Variants in ZNF516 observed in about 807,000 individuals in gnomAD.
ZNF516 encodes the protein zinc finger protein 516.
In ZNF516, 19 loss-of-function variants were observed where a neutral mutation model predicts 79.7. That is an observed-to-expected ratio of 0.24 (90% confidence interval 0.17 to 0.35). The LOEUF is 0.35. Ranked by LOEUF, ZNF516 falls within the 10% of genes least tolerant of loss-of-function variation. The pLI, the probability that ZNF516 is intolerant of heterozygous loss-of-function variation, is 1.00. For synonymous variants in ZNF516, 877 were observed against 739.5 expected (o/e 1.19, Z -3.02); for missense variants, 1,678 against 1,679.5 (o/e 1.00, Z 0.02).
chr18:76,441,410 C>T lies in ZNF516; in HGVS notation c.1645G>A (p.Asp549Asn), dbSNP rs377762530. 151 of 1,608,890 alleles carry T rather than the reference C, an allele frequency of 9.4e-5. No individual in the cohort carries two copies. The highest frequency in any genetic ancestry group is 1.1e-4 in the Non-Finnish European group (132 of 1,178,454). The change falls in exon 3 of 7, where the codon GAC becomes AAC. Residue 549 changes from aspartate to asparagine, a missense_variant. By Grantham distance (23) the Asp-to-Asn change is conservative (BLOSUM62 1). Around this residue, in one of 5 missense-constraint regions of ZNF516, gnomAD observed 1,294 missense variants for 1,248.3 expected, o/e 1.04. Transcript: ENST00000443185. ...RARRERDSDG[D>N]RAARARCGSL... ...CCGCAGCGGGCCCGCGCCGCCCTGT[C>T]CCCGTCACTGTCCCTCTCGCGGCGC...
At chr18:76,385,808 G>A (rs1313762439) in intron 3 of ZNF516, 3 of 151,714 alleles carry the variant, frequency 2.0e-5, no homozygotes, top group Non-Finnish European at 4.4e-5. Context: ...CCCCATGGGA[G>A]CGGTTGCCTC....
chr18:76,483,869 C>T (rs1448919422), intron 1 of ZNF516, among the ~76,000 whole-genome samples: 1 of 152,188 alleles, frequency 6.6e-6, no homozygotes, highest in African/African-American at 2.4e-5. Flanking sequence ...TTTCCACGTT[C>T]CTCCTTGAGC....
chr18:76,487,278 G>A (rs994992255), intron 1 of ZNF516, among the ~76,000 whole-genome samples: 4 of 152,176 alleles, frequency 2.6e-5, no homozygotes, highest in African/African-American at 4.8e-5. Context: ...TTCAAGTCAC[G>A]TGTGGCCAGA....
intron 3 of ZNF516, among the ~76,000 whole-genome samples, chr18:76,418,322 CACTA>C (rs993060727): frequency 4.6e-5 from 7 of 152,094 alleles, no homozygotes; most frequent in African/African-American, 1.7e-4. Flanking sequence ...TGCTGTAACA[CACTA>C]ACACACTATA....
At chr18:76,417,075 C>CT (rs35148161) in intron 3 of ZNF516, among the ~76,000 whole-genome samples, 1 of 152,210 alleles carries the variant, frequency 6.6e-6, no homozygotes, top group Non-Finnish European at 1.5e-5. Context: ...TGCTTCTCAG[C>CT]TTGCAACCAT....
chr18:76,373,980 G>A (rs991175378), intron 4 of ZNF516, among the ~76,000 whole-genome samples: 2 of 152,182 alleles, frequency 1.3e-5, no homozygotes, highest in African/African-American at 2.4e-5. Context: ...TGGACTTAAC[G>A]GTCAAAGAAA....
intron 1 of ZNF516, among the ~76,000 whole-genome samples, chr18:76,487,668 TCTGATAGTTCTCATCCA>T (rs1914907264): frequency 6.6e-6 from 1 of 152,202 alleles, no homozygotes; most frequent in Non-Finnish European, 1.5e-5. Context: ...ATCGAACGAT[TCTGATAGTTCTCATCCA>T]ATGGTGGGTG....
At chr18:76,456,026 GTC>G (rs1309979390) in intron 2 of ZNF516, among the ~76,000 whole-genome samples, 1 of 152,136 alleles carries the variant, frequency 6.6e-6, no homozygotes, top group Admixed American at 6.5e-5. Context: ...GTCAGGTATC[GTC>G]TGTAACTCAA....
intron 2 of ZNF516, among the ~76,000 whole-genome samples, chr18:76,457,281 A>G (rs1416496239): frequency 1.3e-5 from 2 of 152,242 alleles, no homozygotes; most frequent in African/African-American, 4.8e-5. Flanking sequence ...TAAACTGAAC[A>G]TATCTCCACT....
rs186763764 is a variant in ZNF516, at chr18:76,383,604, C to T, written c.1811-3301G>A. Among the ~76,000 whole-genome samples the T allele has an allele frequency of 1.5e-3, 164 of 107,488 alleles. 3 individuals carry two copies. In the East Asian group the frequency reaches 0.045, roughly 29 times the overall value. The allele number at this position is 107,488 out of a possible 152,430, so 70.5% of individuals were successfully genotyped here. ...CCCTCTTCCCCACCAGGCACCTTCT[C>T]GCCAGGGACCCAGGACCCTCTTCCC... On this transcript the variant is annotated intron_variant, in intron 3 of 6. Coordinates refer to ENST00000443185, the MANE Select transcript of ZNF516 (RefSeq NM_014643.4).
chr18:76,390,643 C>G (rs1298573117), intron 3 of ZNF516, among the ~76,000 whole-genome samples: 1 of 152,208 alleles, frequency 6.6e-6, no homozygotes, highest in Non-Finnish European at 1.5e-5. Flanking sequence ...ACGAGGGGCA[C>G]AGAGCAACCC....
intron 6 of ZNF516, among the ~76,000 whole-genome samples, chr18:76,367,688 C>A (rs993574598): frequency 6.6e-6 from 1 of 152,202 alleles, no homozygotes; most frequent in South Asian, 2.1e-4. Flanking sequence ...CACAGCGCTG[C>A]CTTGCTCTGC....
intron 2 of ZNF516, among the ~76,000 whole-genome samples, chr18:76,450,137 C>T (rs1489381330): frequency 7.8e-6 from 1 of 128,742 alleles, no homozygotes; most frequent in Non-Finnish European, 1.5e-5. Flanking sequence ...AAGAGAGAGA[C>T]GGAGAGAAGG....
At chr18:76,424,453 C>CAT (rs1210323971) in intron 3 of ZNF516, among the ~76,000 whole-genome samples, 5 of 141,198 alleles carry the variant, frequency 3.5e-5, no homozygotes, top group Admixed American at 1.4e-4. Context: ...AAGGCTCCCT[C>CAT]GAGACACACG....
Position 76,443,212 on chromosome 18 carries a change from C to A in ZNF516, c.-157-1G>T. 1 of 1,127,966 alleles carries A rather than the reference C, an allele frequency of 8.9e-7. No individual in the cohort carries two copies. Among genetic ancestry groups the A allele is most frequent in the Non-Finnish European group, 1.2e-6 (1 of 827,976 alleles). The allele number at this position is 1,127,966 out of a possible 1,614,324, so 69.9% of individuals were successfully genotyped here. ...GGGCGCAGCAGCTGGCAGCCAGCAC[C>A]TGAAACAGAGATGGAACATCATCAG... On this transcript the variant is annotated splice_acceptor_variant, in intron 2 of 6. Coordinates refer to ENST00000443185, the MANE Select transcript of ZNF516 (RefSeq NM_014643.4). LOFTEE classifies it low-confidence loss of function (5UTR_SPLICE).
At chr18:76,405,838 G>A (rs1467776378) in intron 3 of ZNF516, among the ~76,000 whole-genome samples, 3 of 152,004 alleles carry the variant, frequency 2.0e-5, no homozygotes, top group Admixed American at 2.0e-4. Flanking sequence ...AGGGTCAAAG[G>A]CGACTCACCT....
intron 3 of ZNF516, among the ~76,000 whole-genome samples, chr18:76,419,970 C>T (rs754802623): frequency 2.0e-5 from 3 of 152,214 alleles, no homozygotes; most frequent in Non-Finnish European, 4.4e-5. Context: ...GCATGTGGAG[C>T]GAGAGGCAGC....
intron 6 of ZNF516, among the ~76,000 whole-genome samples, chr18:76,364,988 A>T (rs2074592206): frequency 6.6e-6 from 1 of 152,256 alleles, no homozygotes; most frequent in African/African-American, 2.4e-5. Flanking sequence ...GAAAAGCTTA[A>T]GCAAATGAGC....
rs1246483941 is a variant in ZNF516 at position 76,358,597 on chromosome 18, G to A, written c.*3901C>T. 1 of 152,198 alleles carries A rather than the reference G, an allele frequency of 6.6e-6. No homozygotes were observed. Among genetic ancestry groups the A allele is most frequent in the Non-Finnish European group, 1.5e-5 (1 of 68,044 alleles). 9.4% of individuals were successfully genotyped at this position (152,198 alleles called of 1,614,324 possible). On this transcript the variant is annotated 3_prime_UTR_variant, in exon 7 of 7. Transcript: ENST00000443185. ...TGTTTCATCTGTTTTTTTGCTCAGT[G>A]AACAAAACGTTCTGAAATTAGAACT...
Sources: allele counts gnomAD v4.1 joint callset (sites outside exome capture counted in the v4.1 genomes callset), GRCh38; gene constraint gnomAD v4.1.1; regional missense constraint gnomAD v4.1.1; transcripts MANE v1.5; gene names NCBI Gene and HGNC (gene_info 2026-07-23, HGNC 2026-07-21).